The following RGS17 variants were observed in gnomAD, a reference collection of about 807,000 sequenced individuals.
RGS17 encodes the protein regulator of G protein signaling 17.
In RGS17, 12 loss-of-function variants were observed where a neutral mutation model predicts 25.5. That is an observed-to-expected ratio of 0.47 (90% CI 0.30 to 0.76). The LOEUF is 0.76. Among genes scored for constraint, RGS17 ranks in the 30% least tolerant of loss-of-function variants. RGS17 has a pLI of 0.07. For missense variants in RGS17, 196 were observed against 242.2 expected (o/e 0.81, Z 1.27); for synonymous variants, 71 against 76.9 (o/e 0.92, Z 0.40).
rs1282807804 is a variant in RGS17, at chr6:153,007,268, G to A, written c.*4306C>T. 6.6e-6 allele frequency: 1 copy of A among 152,174 alleles called. No homozygotes were observed. Among genetic ancestry groups the A allele is most frequent in the East Asian group, 1.9e-4 (1 of 5,200 alleles). 9.4% of individuals were successfully genotyped at this position (152,174 alleles called of 1,614,324 possible). A position where few individuals can be genotyped will look rare whatever the true frequency, so the allele number is the denominator to read the frequency against. ...ATCTGAAGCAAGTTTTGGGTTATCA[G>A]TTTTATTGATAAATATTTGCAGTTG... On this transcript the variant is annotated 3_prime_UTR_variant, in exon 5 of 5. Coordinates refer to ENST00000206262, the MANE Select transcript of RGS17 (RefSeq NM_012419.5).
intron 1 of RGS17, among the ~76,000 whole-genome samples, chr6:153,125,039 A>G (rs1238138269): frequency 6.6e-6 from 1 of 152,172 alleles, no homozygotes; most frequent in Non-Finnish European, 1.5e-5. Context: ...TCACTATATT[A>G]TTGGGAAGAT....
At chr6:153,031,035 T>C (rs568051937) in intron 2 of RGS17, among the ~76,000 whole-genome samples, 1 of 152,268 alleles carries the variant, frequency 6.6e-6, no homozygotes, top group Admixed American at 6.5e-5. Flanking sequence ...GGGGATCTCA[T>C]TCAGAGTGGG....
chr6:153,068,714 A>G (rs1776743321), intron 1 of RGS17, among the ~76,000 whole-genome samples: 1 of 152,222 alleles, frequency 6.6e-6, no homozygotes. Flanking sequence ...CTGACAAGGG[A>G]TTGATAACCA....
chr6:153,025,169 C>T (rs1199396895), intron 3 of RGS17, among the ~76,000 whole-genome samples: 1 of 151,666 alleles, frequency 6.6e-6, no homozygotes, highest in Non-Finnish European at 1.5e-5. Context: ...AAAAAATTAG[C>T]TGGGTGTGCT....
intron 1 of RGS17, among the ~76,000 whole-genome samples, chr6:153,101,397 G>A (rs907623971): frequency 5.9e-5 from 9 of 152,110 alleles, no homozygotes; most frequent in East Asian, 1.9e-4. Flanking sequence ...GGTTATCCTC[G>A]GGTGGTCATG....
intron 1 of RGS17, among the ~76,000 whole-genome samples, chr6:153,093,030 C>T (rs919133705): frequency 3.3e-5 from 5 of 152,096 alleles, no homozygotes; most frequent in Admixed American, 6.5e-5. Flanking sequence ...AACCAAAAAA[C>T]ATAAAGATGC....
In RGS17 at chr6:153,005,541, AG is replaced by A. The variant is rs1320839612; in HGVS notation, c.*6032del. Reference sequence around the variant, plus strand: ...ACATCAACAGCTAAGAGTAGCCTAAAGTTTGAGAAACTGTCACAGCTAAGAC... The same window carrying A: ...ACATCAACAGCTAAGAGTAGCCTAAATTTGAGAAACTGTCACAGCTAAGAC... On this transcript the variant is annotated 3_prime_UTR_variant, in exon 5 of 5. Transcript: ENST00000206262. 5.9e-5 allele frequency: 9 copies of A among 152,240 alleles called. No homozygotes were observed. The highest frequency in any genetic ancestry group is 1.3e-4 in the Non-Finnish European group (9 of 68,040). The allele number at this position is 152,240 out of a possible 1,614,324, so 9.4% of individuals were successfully genotyped here.
At chr6:153,093,904 A>G (rs1777168364) in intron 1 of RGS17, among the ~76,000 whole-genome samples, 1 of 152,170 alleles carries the variant, frequency 6.6e-6, no homozygotes, top group African/African-American at 2.4e-5. Flanking sequence ...TAGTTTTCCC[A>G]ACTGTGAAAA....
chr6:153,079,023 T>G (rs1050543568), intron 1 of RGS17, among the ~76,000 whole-genome samples: 1 of 152,144 alleles, frequency 6.6e-6, no homozygotes, highest in Admixed American at 6.6e-5. Flanking sequence ...CTGTATTTCT[T>G]TTTCTCACCT....
intron 4 of RGS17, among the ~76,000 whole-genome samples, chr6:153,017,619 C>CATTTTTGGCATAATTATACGAGAAT (rs1779197954): frequency 6.6e-6 from 1 of 152,132 alleles, no homozygotes; most frequent in Non-Finnish European, 1.5e-5. Context: ...ATCCTATGGA[C>CATTTTTGGCATAATTATACGAGAAT]ATTTTTGGCA....
chr6:153,093,329 CTG>C (rs1219389572), intron 1 of RGS17, among the ~76,000 whole-genome samples: 1 of 152,172 alleles, frequency 6.6e-6, no homozygotes, highest in Non-Finnish European at 1.5e-5. Context: ...CTGATTTTCT[CTG>C]TATCTCTGAA....
chr6:153,043,747 T>G (rs1363868011), intron 2 of RGS17, among the ~76,000 whole-genome samples, 153 bp downstream of exon 2: 6 of 152,184 alleles, frequency 3.9e-5, no homozygotes, highest in African/African-American at 1.4e-4. Flanking sequence ...GTATTTGCAT[T>G]AAACCAATGA....
At chr6:153,127,006 G>A (rs371115897) in intron 1 of RGS17, among the ~76,000 whole-genome samples, 4 of 152,298 alleles carry the variant, frequency 2.6e-5, no homozygotes, top group African/African-American at 7.2e-5. Context: ...ATTTTTCCAC[G>A]GATGGCAGTG....
chr6:153,123,286 A>T (rs1777663862), intron 1 of RGS17, among the ~76,000 whole-genome samples: 1 of 152,110 alleles, frequency 6.6e-6, no homozygotes, highest in East Asian at 1.9e-4. Flanking sequence ...AATAGGTTCA[A>T]ATCTTACATT....
Position 153,130,774 on chromosome 6 carries a change from C to A in RGS17, c.-26+350G>T, listed in dbSNP as rs979675562. ...CCTCCCGGCCGCCCCCAGCAGGCGC[C>A]CCGCTCTCCGCGGGAACTCTGGGAC... On this transcript the variant is annotated intron_variant, in intron 1 of 4. Coordinates refer to ENST00000206262, the MANE Select transcript of RGS17 (RefSeq NM_012419.5). The surrounding 1 kb of genome is among the most constrained non-coding windows in gnomAD (Gnocchi z 6.4). Among the ~76,000 whole-genome samples, 5 of 152,126 alleles carry A rather than the reference C, an allele frequency of 3.3e-5. No homozygotes were observed. Among genetic ancestry groups the A allele is most frequent in the Non-Finnish European group, 7.4e-5 (5 of 68,006 alleles).
chr6:153,059,341 C>T (rs1038597364), intron 1 of RGS17, among the ~76,000 whole-genome samples: 1 of 152,158 alleles, frequency 6.6e-6, no homozygotes, highest in African/African-American at 2.4e-5. Context: ...AGCTCAGCTG[C>T]TAGTTTTCAT....
chr6:153,115,036 C>T (rs1777524161), intron 1 of RGS17, among the ~76,000 whole-genome samples: 1 of 152,188 alleles, frequency 6.6e-6, no homozygotes, highest in African/African-American at 2.4e-5. Flanking sequence ...AGGATGCCCT[C>T]TCTCACCACT....
At chr6:153,042,918 T>C (rs1179185023) in intron 2 of RGS17, among the ~76,000 whole-genome samples, 3 of 152,176 alleles carry the variant, frequency 2.0e-5, no homozygotes, top group Admixed American at 2.0e-4. Flanking sequence ...TGGGCCTTTC[T>C]CTAGGTTCTG....
At chr6:153,040,097 A>C (rs1776303460) in intron 2 of RGS17, among the ~76,000 whole-genome samples, 2 of 34,508 alleles carry the variant, frequency 5.8e-5, no homozygotes, top group Admixed American at 3.1e-4. Flanking sequence ...AAGGATGTTA[A>C]TGGTTCTAAA....
Sources: gnomAD v4.1 joint callset for allele counts (sites outside exome capture counted in the v4.1 genomes callset) on GRCh38, gnomAD v4.1.1 for gene constraint, Gnocchi (gnomAD v3.1) non-coding constraint, MANE v1.5 for transcripts, NCBI Gene and HGNC (gene_info 2026-07-23, HGNC 2026-07-21) for gene names.